ASH1L: variants seen among roughly 807,000 people sequenced by gnomAD.
ASH1L encodes the protein histone-lysine N-methyltransferase ASH1L.
ASH1L carries 23 observed loss-of-function variants against 269.0 expected under a neutral mutation model. The observed-to-expected ratio is 0.09, with a 90% confidence interval of 0.06 to 0.12. The LOEUF (loss-of-function observed/expected upper bound fraction) is 0.12, where lower values mean the gene tolerates loss of function less well. Among genes scored for constraint, ASH1L ranks in the 10% least tolerant of loss-of-function variants. The pLI is 1.00. For synonymous variants in ASH1L, 1,187 were observed against 1,253.5 expected, an observed-to-expected ratio of 0.95 and a Z score of 1.12; for missense variants, 2,912 against 3,567.8, an observed-to-expected ratio of 0.82 and a Z score of 4.68.
In ASH1L at chr1:155,562,715, G is replaced by T. The variant is rs768148405; in HGVS notation, c.-662C>A. ...CGCGCTCACCCACAGGAACCCCCTC[G>T]TCCAGTCCCTCACTACCCCTCAGGC... On this transcript the variant is annotated 5_prime_UTR_variant, in exon 1 of 28. Transcript: ENST00000392403. 2.9e-5 allele frequency: 42 copies of T among 1,443,820 alleles called. No homozygotes were observed. In the South Asian group the frequency reaches 4.6e-4, roughly 16 times the overall value. The allele number at this position is 1,443,820 out of a possible 1,614,324, so 89.4% of individuals were successfully genotyped here. A position where few individuals can be genotyped will look rare whatever the true frequency, so the allele number is the denominator to read the frequency against.
intron 3 of ASH1L, among the ~76,000 whole-genome samples, chr1:155,475,626 C>A (rs988787037): frequency 6.6e-6 from 1 of 152,170 alleles, no homozygotes; most frequent in African/African-American, 2.4e-5. Flanking sequence ...TCTTCCTTCA[C>A]TAAGCTGAAA....
chr1:155,480,136 G>C lies in ASH1L; in HGVS notation c.2734C>G (p.Pro912Ala). 1 of 1,614,038 alleles carries C rather than the reference G, an allele frequency of 6.2e-7. No individual in the cohort carries two copies. The highest frequency in any genetic ancestry group is 2.2e-5 in the East Asian group (1 of 44,862). The part of the protein sequence containing the change: ...KMKPPVLSVA[P>A]FVATESPSKL... ...CTTGGACTTTCAGTGGCAACAAATG[G>C]AGCCACTGACAGTACAGGTGGCTTC... The change falls in exon 3 of 28, where the codon CCA becomes GCA. Residue 912 changes from proline (P) to alanine (A), a missense_variant. By Grantham distance (27) the Pro-to-Ala change is conservative. Around this residue, in one of 13 missense-constraint regions of ASH1L, gnomAD observed 715 missense variants for 721.0 expected, o/e 0.99. Transcript: ENST00000392403.
chr1:155,442,175 C>T (rs936954952), intron 4 of ASH1L, among the ~76,000 whole-genome samples: 3 of 152,202 alleles, frequency 2.0e-5, no homozygotes, highest in East Asian at 1.9e-4. Context: ...TGTTTCATGA[C>T]AGTAAGTTCA....
chr1:155,561,264 A>G (rs1359995004), intron 1 of ASH1L, among the ~76,000 whole-genome samples: 1 of 149,624 alleles, frequency 6.7e-6, no homozygotes, highest in African/African-American at 2.4e-5. Flanking sequence ...CATTCTTTAC[A>G]ACTTTGTAGT....
intron 1 of ASH1L, among the ~76,000 whole-genome samples, chr1:155,547,508 G>C (rs1047415800): frequency 1.3e-5 from 2 of 152,026 alleles, no homozygotes; most frequent in Non-Finnish European, 2.9e-5. Context: ...CAGATCACCT[G>C]AGGTCAGGAG....
At chr1:155,441,152 T>C (rs1467904759) in intron 4 of ASH1L, among the ~76,000 whole-genome samples, 1 of 152,330 alleles carries the variant, frequency 6.6e-6, no homozygotes, top group African/African-American at 2.4e-5. Context: ...AATACGTACA[T>C]TAATCTCTTG....
intron 5 of ASH1L, among the ~76,000 whole-genome samples, chr1:155,423,359 T>A (rs1462757917): frequency 6.6e-6 from 1 of 151,758 alleles, no homozygotes; most frequent in Non-Finnish European, 1.5e-5. Context: ...GGCAGGCAGA[T>A]CACGAGTTCA....
At chr1:155,486,950 A>G (rs369374415) in intron 2 of ASH1L, among the ~76,000 whole-genome samples, 2 of 152,124 alleles carry the variant, frequency 1.3e-5, no homozygotes, top group South Asian at 4.1e-4. Flanking sequence ...CAGATCACTC[A>G]AAGTCAGGAG....
rs1262461187 is a variant in ASH1L at position 155,336,724 on chromosome 1, A to G, written c.*936T>C. The stretch of plus-strand genomic sequence containing the variant: ...GTAGTGTTTTCAATTGATAATCTAT[A>G]CTCACAACAAATACTCTGATAGGTG... On this transcript the variant is annotated 3_prime_UTR_variant, in exon 28 of 28. Transcript: ENST00000392403. The G allele has an allele frequency of 6.6e-6, 1 of 152,312 alleles. No homozygotes were observed. The highest frequency in any genetic ancestry group is 1.5e-5 in the Non-Finnish European group (1 of 68,018). The allele number at this position is 152,312 out of a possible 1,614,324, so 9.4% of individuals were successfully genotyped here.
At chr1:155,381,124 C>A (rs117718489) in intron 7 of ASH1L, among the ~76,000 whole-genome samples, 5 of 152,038 alleles carry the variant, frequency 3.3e-5, no homozygotes, top group African/African-American at 1.2e-4. Flanking sequence ...AAACCTATAG[C>A]GCTACCAGTT....
At chr1:155,484,902 C>T (rs1378015271) in intron 2 of ASH1L, among the ~76,000 whole-genome samples, 2 of 138,672 alleles carry the variant, frequency 1.4e-5, no homozygotes, top group Non-Finnish European at 3.0e-5. Flanking sequence ...GCACTTTAGC[C>T]TAGGTGACAG....
Position 155,550,101 on chromosome 1 carries a change from ATCTCCACCTCCCGAGTTCAAGCAAT to A in ASH1L, c.-100+12027_-100+12051del, listed in dbSNP as rs527583704. Among the ~76,000 whole-genome samples the A allele has an allele frequency of 1.9e-3, 283 of 151,944 alleles. 1 individual carries two copies. The highest frequency in any genetic ancestry group is 6.6e-3 in the African/African-American group (274 of 41,436). ...CGTGGCGTAATCTCAGTTCACTGCA[ATCTCCACCTCCCGAGTTCAAGCAAT>A]TCTCCTGCCTCAGCCTCCTGAGTAG... On this transcript the variant is annotated intron_variant, in intron 1 of 27. Coordinates refer to ENST00000392403, the MANE Select transcript of ASH1L (RefSeq NM_018489.3).
At chr1:155,497,788 G>C (rs1048159213) in intron 2 of ASH1L, among the ~76,000 whole-genome samples, 2 of 149,276 alleles carry the variant, frequency 1.3e-5, no homozygotes, top group Non-Finnish European at 3.0e-5. Flanking sequence ...TCACTCTGTC[G>C]CTCAGGCTGG....
At chr1:155,533,417 C>G (rs1181993992) in intron 1 of ASH1L, among the ~76,000 whole-genome samples, 1 of 151,884 alleles carries the variant, frequency 6.6e-6, no homozygotes, top group African/African-American at 2.4e-5. Flanking sequence ...TGCTGCCTCC[C>G]AAAGATCATC....
intron 2 of ASH1L, among the ~76,000 whole-genome samples, chr1:155,519,968 G>A (rs771871324): frequency 3.9e-5 from 6 of 151,942 alleles, no homozygotes; most frequent in Non-Finnish European, 8.8e-5. Flanking sequence ...AAGTACATTC[G>A]ATATTACCAG....
At chr1:155,448,715 T>G (rs1383958708) in intron 4 of ASH1L, among the ~76,000 whole-genome samples, 1 of 152,102 alleles carries the variant, frequency 6.6e-6, no homozygotes, top group Non-Finnish European at 1.5e-5. Context: ...CAGGCTGGTC[T>G]CAAACTCCTG....
chr1:155,521,728 TCA>T (rs1668900535), intron 1 of ASH1L, 110 bp from the exon 2 acceptor site: 4 of 460,430 alleles, frequency 8.7e-6, no homozygotes, highest in South Asian at 6.0e-5. Flanking sequence ...CAAAAAAAAA[TCA>T]CAGTTAGATC....
chr1:155,416,482 CCT>C (rs2148544327), intron 5 of ASH1L, among the ~76,000 whole-genome samples: 1 of 152,094 alleles, frequency 6.6e-6, no homozygotes, highest in Non-Finnish European at 1.5e-5. Context: ...CACTGTTATC[CCT>C]GAGAAATCTG....
intron 26 of ASH1L, 68 bp from the exon 27 acceptor site, chr1:155,338,458 C>T (rs1320650032): frequency 6.8e-7 from 1 of 1,464,364 alleles, no homozygotes; most frequent in Non-Finnish European, 9.2e-7. Context: ...GGGTAGGAGG[C>T]CTCAAGATGG....
Sources: gnomAD v4.1 joint callset for allele counts (sites outside exome capture counted in the v4.1 genomes callset) on GRCh38, gnomAD v4.1.1 for gene constraint, gnomAD v4.1.1 regional missense constraint, MANE v1.5 for transcripts, NCBI Gene and HGNC (gene_info 2026-07-23, HGNC 2026-07-21) for gene names.